GOLGA4: variants seen among roughly 807,000 people sequenced by gnomAD.
GOLGA4 encodes the protein golgin subfamily A member 4.
GOLGA4 carries 169 observed loss-of-function variants against 265.9 expected under a neutral mutation model. The observed-to-expected ratio is 0.64, with a 90% CI of 0.56 to 0.72. GOLGA4 has a LOEUF of 0.72. GOLGA4 is among the 30% of genes least tolerant of loss of function. The pLI is 0.00. For missense variants in GOLGA4, 2,482 were observed against 2,483.4 expected, an observed-to-expected ratio of 1.00 and a Z score of 0.01; for synonymous variants, 923 against 855.8, an observed-to-expected ratio of 1.08 and a Z score of -1.37.
Position 37,302,268 on chromosome 3 carries a change from C to T in GOLGA4, c.1170C>T (p.Arg390=), listed in dbSNP as rs754744307. 6 of 1,612,578 alleles carry T rather than the reference C, an allele frequency of 3.7e-6. No individual in the cohort carries two copies. In the Admixed American group the frequency reaches 1.0e-4, roughly 27 times the overall value. The change falls in exon 10 of 24, where the codon CGC becomes CGT. Residue 390 remains arginine (R), a synonymous_variant. Coordinates refer to ENST00000361924, the MANE Select transcript of GOLGA4 (RefSeq NM_002078.5). The part of the protein sequence containing the change: ...KEEEIAQLRS[R]IKQMTTQGEE... ...AAGAAATTGCTCAACTCCGTAGTCG[C>T]ATCAAACAGATGACTACCCAGGGAG...
intron 2 of GOLGA4, among the ~76,000 whole-genome samples, chr3:37,278,071 GAATAA>G (rs2096824174): frequency 6.6e-6 from 1 of 151,552 alleles, no homozygotes; most frequent in Non-Finnish European, 1.5e-5. Context: ...TAATGTTTCA[GAATAA>G]AATAATCTCA....
intron 2 of GOLGA4, among the ~76,000 whole-genome samples, chr3:37,270,112 T>G (rs2096794316): frequency 6.6e-6 from 1 of 151,692 alleles, no homozygotes; most frequent in Non-Finnish European, 1.5e-5. Flanking sequence ...CAGGCTGGTC[T>G]TGAACTCCTG....
chr3:37,278,374 T>C (rs1426098099), intron 2 of GOLGA4, among the ~76,000 whole-genome samples: 1 of 152,092 alleles, frequency 6.6e-6, no homozygotes, highest in Non-Finnish European at 1.5e-5. Context: ...TAATTTTTTG[T>C]ATTTTTATAG....
In GOLGA4 at chr3:37,314,682, C is replaced by CAT. The variant is rs148252805; in HGVS notation, c.1235-738_1235-737insAT. Reference sequence around the variant, plus strand: ...ACACACACACACACACACACACACACGAAAAAAACCTTACTACTCTAGCCA... The same window carrying CAT: ...ACACACACACACACACACACACACACATGAAAAAAACCTTACTACTCTAGCCA... On this transcript the variant is annotated intron_variant, in intron 10 of 23. Coordinates refer to ENST00000361924, the MANE Select transcript of GOLGA4 (RefSeq NM_002078.5). Among the ~76,000 whole-genome samples, 677 of 142,688 alleles carry CAT rather than the reference C, an allele frequency of 4.7e-3. 6 individuals are homozygous for CAT. The highest frequency in any genetic ancestry group is 0.032 in the Middle Eastern group (9 of 282). 93.6% of individuals were successfully genotyped at this position (142,688 alleles called of 152,430 possible). A position where few individuals can be genotyped will look rare whatever the true frequency, so the allele number is the denominator to read the frequency against.
chr3:37,304,010 T>G (rs1214491328), intron 10 of GOLGA4, among the ~76,000 whole-genome samples: 2 of 152,204 alleles, frequency 1.3e-5, no homozygotes, highest in East Asian at 3.8e-4. Flanking sequence ...ACTCAAGATT[T>G]AATCCAGGCA....
chr3:37,318,872 A>G (rs929152276), intron 11 of GOLGA4, among the ~76,000 whole-genome samples, 191 bp from the exon 12 acceptor site: 1 of 152,164 alleles, frequency 6.6e-6, no homozygotes, highest in Non-Finnish European at 1.5e-5. Flanking sequence ...GAAGAAAACT[A>G]CTGGTTATTC....
At chr3:37,331,813 G>A (rs1302637401) in intron 16 of GOLGA4, among the ~76,000 whole-genome samples, 1 of 149,230 alleles carries the variant, frequency 6.7e-6, no homozygotes, top group Non-Finnish European at 1.5e-5. Context: ...CCCACTTCCT[G>A]TGTCTCTAAA....
Position 37,243,568 on chromosome 3 carries a change from G to A in GOLGA4, c.18G>A (p.Lys6=). ...GCTGCGCCATGTTCAAGAAACTGAA[G>A]CAAAAGATCAGCGAGGAGCAGCAGC... The part of the protein sequence containing the change: MFKKL[K]QKISEEQQQL... The change falls in exon 1 of 24, where the codon AAG becomes AAA. Residue 6 remains lysine, a synonymous_variant. Transcript: ENST00000361924. 2 of 1,614,122 alleles carry A rather than the reference G, an allele frequency of 1.2e-6. No homozygotes were observed. Among genetic ancestry groups the A allele is most frequent in the South Asian group, 2.2e-5 (2 of 91,086 alleles).
In GOLGA4 at chr3:37,329,031, A is replaced by C. The variant is rs1429111153; in HGVS notation, c.6130A>C (p.Lys2044Gln). The part of the protein sequence containing the change: ...HQEETNQLLK[K>Q]IAEKDDDLKR... ...AGAAGAGACAAATCAGTTACTTAAAAAAATTGCTGAGAAAGATGATGATCT... is the reference window on the plus strand; with the variant it reads ...AGAAGAGACAAATCAGTTACTTAAACAAATTGCTGAGAAAGATGATGATCT... The change falls in exon 16 of 24, where the codon AAA (lysine) becomes CAA (glutamine). Residue 2044 changes from lysine to glutamine, a missense_variant. Around this residue, in one of 3 missense-constraint regions of GOLGA4, gnomAD observed 942 missense variants for 983.1 expected, o/e 0.96. Coordinates refer to ENST00000361924, the MANE Select transcript of GOLGA4 (RefSeq NM_002078.5). 1 of 1,612,044 alleles carries C rather than the reference A, an allele frequency of 6.2e-7. No individual in the cohort carries two copies. The highest frequency in any genetic ancestry group is 1.7e-5 in the Admixed American group (1 of 59,818).
rs754142734 is a variant in GOLGA4, at chr3:37,243,517, T to C, written c.-34T>C. 28 of 1,603,264 alleles carry C rather than the reference T, an allele frequency of 1.7e-5. No homozygotes were observed. The highest frequency in any genetic ancestry group is 3.3e-5 in the Admixed American group (2 of 59,954). ...TCCCCGGGCTCTCGCCCTTCAGGTT[T>C]CGTTGACACTCAGGACCGTACGTAC... On this transcript the variant is annotated 5_prime_UTR_variant, in exon 1 of 24. Coordinates refer to ENST00000361924, the MANE Select transcript of GOLGA4 (RefSeq NM_002078.5).
At chr3:37,331,068 G>A (rs981481162) in intron 16 of GOLGA4, among the ~76,000 whole-genome samples, 1 of 149,318 alleles carries the variant, frequency 6.7e-6, no homozygotes, top group Non-Finnish European at 1.5e-5. Context: ...ACAAATATGA[G>A]CCATATTGTA....
intron 21 of GOLGA4, among the ~76,000 whole-genome samples, chr3:37,353,571 C>T (rs2097081498): frequency 6.6e-6 from 1 of 152,040 alleles, no homozygotes; most frequent in Admixed American, 6.6e-5. Flanking sequence ...ACAACAGGGT[C>T]TTACTCTGTC....
intron 23 of GOLGA4, among the ~76,000 whole-genome samples, chr3:37,364,104 A>G (rs904684419): frequency 6.6e-6 from 1 of 152,206 alleles, no homozygotes; most frequent in South Asian, 2.1e-4. Flanking sequence ...TTACAAATTC[A>G]GAAGACTAAA....
rs116072029 is a variant in GOLGA4, at chr3:37,306,178, A to G, written c.1234+3846A>G. The stretch of plus-strand genomic sequence containing the variant: ...TCTTAAATAGTCTCCTCTCTAGTAG[A>G]AATGTTAGGCATAGTTTTTGACGTA... On this transcript the variant is annotated intron_variant, in intron 10 of 23. Transcript: ENST00000361924. Among the ~76,000 whole-genome samples, 493 of 152,334 alleles carry G rather than the reference A, an allele frequency of 3.2e-3. 3 individuals carry two copies. The highest frequency in any genetic ancestry group is 0.011 in the African/African-American group (466 of 41,572).
intron 22 of GOLGA4, among the ~76,000 whole-genome samples, chr3:37,356,294 A>G (rs1448577442): frequency 6.6e-6 from 1 of 152,104 alleles, no homozygotes; most frequent in Non-Finnish European, 1.5e-5. Flanking sequence ...TCAGCCCTGA[A>G]GGGACCCCAA....
intron 2 of GOLGA4, among the ~76,000 whole-genome samples, chr3:37,274,123 A>AG (rs2096806838): frequency 8.6e-5 from 13 of 151,248 alleles, no homozygotes; most frequent in African/African-American, 3.2e-4. Flanking sequence ...AAAAGATAAT[A>AG]ATAATAATTA....
At chr3:37,294,879 AGGG>A in intron 5 of GOLGA4, 97 bp from the exon 6 acceptor site, 1 of 654,596 alleles carries the variant, frequency 1.5e-6, no homozygotes, top group South Asian at 2.1e-5. Context: ...TGATACCTTA[AGGG>A]GAATGCAAAT....
At chr3:37,351,639 T>C (rs973298247) in intron 21 of GOLGA4, among the ~76,000 whole-genome samples, 6 of 152,180 alleles carry the variant, frequency 3.9e-5, no homozygotes, top group African/African-American at 1.4e-4. Flanking sequence ...GGATGTTGTG[T>C]TAGGCATAAA....
chr3:37,251,311 C>T (rs1412700618), intron 1 of GOLGA4, 84 bp from the exon 2 acceptor site: 32 of 780,792 alleles, frequency 4.1e-5, no homozygotes, highest in Non-Finnish European at 6.6e-5. Context: ...ATTCTTTGGG[C>T]ATGGACTGAG....
Sources: allele counts gnomAD v4.1 joint callset (sites outside exome capture counted in the v4.1 genomes callset), GRCh38; gene constraint gnomAD v4.1.1; regional missense constraint gnomAD v4.1.1; transcripts MANE v1.5; gene names NCBI Gene and HGNC (gene_info 2026-07-23, HGNC 2026-07-21).